NRXN1: variants seen among roughly 807,000 people sequenced by gnomAD.
NRXN1 encodes neurexin-1.
A neutral mutation model predicts 150.9 loss-of-function variants in NRXN1; 39 were observed. That is an observed-to-expected ratio of 0.26 (90% CI 0.20 to 0.34). The LOEUF is 0.34. NRXN1 is among the 10% of genes least tolerant of loss of function. The pLI is 1.00. For missense variants in NRXN1, 1,815 were observed against 1,949.9 expected (o/e 0.93, Z 1.30); for synonymous variants, 924 against 757.0 (o/e 1.22, Z -3.62).
chr2:50,854,232 C>T (rs537541490), intron 5 of NRXN1, among the ~76,000 whole-genome samples: 1 of 152,072 alleles, frequency 6.6e-6, no homozygotes, highest in African/African-American at 2.4e-5. Flanking sequence ...AAAAAGAGAT[C>T]ATACACATTT....
At chr2:50,490,452 T>A (rs1215726481) in intron 15 of NRXN1, among the ~76,000 whole-genome samples, 1 of 152,138 alleles carries the variant, frequency 6.6e-6, no homozygotes, top group African/African-American at 2.4e-5. Flanking sequence ...ACTAAAGAAG[T>A]GAGCCTAGCC....
At chr2:50,265,904 GA>G (rs2068779334) in intron 17 of NRXN1, among the ~76,000 whole-genome samples, 1 of 151,680 alleles carries the variant, frequency 6.6e-6, no homozygotes, top group Admixed American at 6.6e-5. Context: ...GTTAAAGCTA[GA>G]AAAACGGTCA....
intron 17 of NRXN1, among the ~76,000 whole-genome samples, chr2:50,305,468 T>A (rs1222226847): frequency 6.6e-6 from 1 of 152,186 alleles, no homozygotes; most frequent in East Asian, 1.9e-4. Context: ...ATTTAAAAAT[T>A]CAGTAAACAC....
At chr2:50,984,397 T>G (rs1042620781) in intron 2 of NRXN1, among the ~76,000 whole-genome samples, 1 of 151,980 alleles carries the variant, frequency 6.6e-6, no homozygotes, top group Middle Eastern at 3.2e-3. Context: ...GAAGAGTGTA[T>G]GCGGCCAGCA....
chr2:50,425,118 T>C (rs2084375768), intron 17 of NRXN1, among the ~76,000 whole-genome samples: 1 of 152,170 alleles, frequency 6.6e-6, no homozygotes, highest in Non-Finnish European at 1.5e-5. Context: ...ATACCAAACT[T>C]GATGGTGAGC....
At chr2:50,324,226 G>T (rs2076235514) in intron 17 of NRXN1, among the ~76,000 whole-genome samples, 1 of 152,166 alleles carries the variant, frequency 6.6e-6, no homozygotes, top group Admixed American at 6.5e-5. Flanking sequence ...CCTAAACCAG[G>T]TGGTAGCATT....
intron 5 of NRXN1, among the ~76,000 whole-genome samples, chr2:50,895,620 G>A (rs1203198764): frequency 1.5e-5 from 2 of 133,544 alleles, no homozygotes; most frequent in Non-Finnish European, 3.3e-5. Flanking sequence ...TGCTTTTGTT[G>A]TCCAGGCTGG....
At chr2:50,433,903 A>G (rs2085191491) in intron 17 of NRXN1, among the ~76,000 whole-genome samples, 1 of 152,130 alleles carries the variant, frequency 6.6e-6, no homozygotes, top group Non-Finnish European at 1.5e-5. Context: ...CTTGGCCACA[A>G]AACTCCTGCT....
rs71225142 is a variant in NRXN1, at chr2:50,683,646, A to AATATATATATAT, written c.833-60043_833-60032dup. The stretch of plus-strand genomic sequence containing the variant: ...GACTCCGTCTCAAAAAAAAAAAAAA[A>AATATATATATAT]ATATATATATATATATATATGTTAT... On this transcript the variant is annotated intron_variant, in intron 5 of 22. Coordinates refer to ENST00000401669, the MANE Select transcript of NRXN1 (RefSeq NM_001330078.2). Among the ~76,000 whole-genome samples the AATATATATATAT allele has an allele frequency of 9.5e-3, 138 of 14,580 alleles. 1 individual carries two copies. Among genetic ancestry groups the AATATATATATAT allele is most frequent in the South Asian group, 0.025 (4 of 160 alleles). 9.6% of individuals were successfully genotyped at this position (14,580 alleles called of 152,430 possible).
intron 21 of NRXN1, among the ~76,000 whole-genome samples, chr2:49,944,591 C>G (rs1247532516): frequency 6.6e-6 from 1 of 152,142 alleles, no homozygotes; most frequent in Admixed American, 6.5e-5. Flanking sequence ...AGCAGTTAGT[C>G]ACATAATCAA....
intron 17 of NRXN1, among the ~76,000 whole-genome samples, chr2:50,263,544 G>A (rs967821067): frequency 6.6e-6 from 1 of 152,020 alleles, no homozygotes; most frequent in Admixed American, 6.6e-5. Context: ...CTTAATTACA[G>A]TTGGTCATTA....
At chr2:49,933,732 T>C (rs532956961) in intron 22 of NRXN1, among the ~76,000 whole-genome samples, 1 of 152,304 alleles carries the variant, frequency 6.6e-6, no homozygotes, top group South Asian at 2.1e-4. Context: ...ATGAGGACTT[T>C]GTAAAAACAG....
At chr2:50,174,049 A>T (rs1478846449) in intron 18 of NRXN1, among the ~76,000 whole-genome samples, 1 of 152,172 alleles carries the variant, frequency 6.6e-6, no homozygotes, top group Non-Finnish European at 1.5e-5. Context: ...AATAAAAAAA[A>T]TTGATTTATA....
chr2:50,131,903 G>A (rs979947341), intron 18 of NRXN1, among the ~76,000 whole-genome samples: 9 of 106,044 alleles, frequency 8.5e-5, no homozygotes, highest in Admixed American at 4.4e-4. Context: ...TACACTAGAC[G>A]GTCCAACAGC....
intron 21 of NRXN1, among the ~76,000 whole-genome samples, chr2:49,986,367 A>C (rs887198398): frequency 1.4e-4 from 22 of 152,358 alleles, no homozygotes; most frequent in African/African-American, 4.6e-4. Flanking sequence ...TAAAAATAAC[A>C]ATAAACCCAT....
chr2:50,884,604 TA>T, intron 5 of NRXN1, among the ~76,000 whole-genome samples: 1 of 151,750 alleles, frequency 6.6e-6, no homozygotes, highest in Non-Finnish European at 1.5e-5. Context: ...AGGAGATAAA[TA>T]TGAACCATGT....
At chr2:50,028,129 T>C (rs557435787) in intron 21 of NRXN1, among the ~76,000 whole-genome samples, 1 of 152,314 alleles carries the variant, frequency 6.6e-6, no homozygotes, top group East Asian at 1.9e-4. Context: ...TCAATGCTCT[T>C]ATTTCTGCCC....
intron 19 of NRXN1, among the ~76,000 whole-genome samples, chr2:50,083,906 G>A (rs142656038): frequency 3.3e-5 from 5 of 152,034 alleles, no homozygotes; most frequent in Admixed American, 3.3e-4. Context: ...GGTTCTCCAA[G>A]TCCGCACCAG....
At chr2:50,202,538 C>T (rs2152834894) in intron 18 of NRXN1, among the ~76,000 whole-genome samples, 1 of 151,924 alleles carries the variant, frequency 6.6e-6, no homozygotes, top group African/African-American at 2.4e-5. Flanking sequence ...AAAAAGGAGG[C>T]AATGGACTTG....
Sources: gnomAD v4.1 joint callset for allele counts (sites outside exome capture counted in the v4.1 genomes callset) on GRCh38, gnomAD v4.1.1 for gene constraint, MANE v1.5 for transcripts, NCBI Gene and HGNC (gene_info 2026-07-23, HGNC 2026-07-21) for gene names.